The following CHD8 variants were observed in gnomAD, a reference collection of about 807,000 sequenced individuals.
The protein encoded by CHD8 is ATP-dependent chromatin remodeler CHD8.
CHD8 carries 31 observed loss-of-function variants against 279.2 expected under a neutral mutation model. That is an observed-to-expected ratio of 0.11 (90% CI 0.08 to 0.15). The LOEUF (loss-of-function observed/expected upper bound fraction) is 0.15, where lower values mean the gene tolerates loss of function less well. CHD8 is among the 10% of genes least tolerant of loss of function. The pLI is 1.00. For synonymous variants in CHD8, 1,081 were observed against 1,139.6 expected (o/e 0.95, Z 1.04); for missense variants, 2,146 against 3,230.5 (o/e 0.66, Z 8.14).
chr14:21,406,690 G>T (rs915790531), intron 14 of CHD8, among the ~76,000 whole-genome samples, 166 bp downstream of exon 14: 1 of 152,150 alleles, frequency 6.6e-6, no homozygotes, highest in Admixed American at 6.5e-5. Flanking sequence ...ATTCTAAAAT[G>T]TATGACTTTT....
At chr14:21,411,868 A>T (rs1888507007) in intron 10 of CHD8, among the ~76,000 whole-genome samples, 1 of 152,184 alleles carries the variant, frequency 6.6e-6, no homozygotes, top group African/African-American at 2.4e-5. Flanking sequence ...TTCGAGACTA[A>T]GCCTGGCTAA....
chr14:21,391,999 G>GC, intron 34 of CHD8, 53 bp from the exon 35 acceptor site: 1 of 1,329,570 alleles, frequency 7.5e-7, no homozygotes, highest in Non-Finnish European at 1.1e-6. Context: ...GTTTTTCAAA[G>GC]TAAAGATTAA....
rs1168389969 is a variant in CHD8, at chr14:21,394,101, T to C, written c.5694A>G (p.Glu1898=). ...CCAAAAGGGGGTGGCATAAAACTTG[T>C]TCCCGTAAGCGCCGAAGCAATTCTA... ...YRIELLRRLR[E]QVLCHPLLED... is the part of the protein sequence containing the mutation. The change falls in exon 32 of 38, where the codon GAA becomes GAG. Residue 1898 remains glutamate, a synonymous_variant. Transcript: ENST00000646647. The C allele has an allele frequency of 2.5e-6, 4 of 1,613,876 alleles. No individual in the cohort carries two copies. The highest frequency in any genetic ancestry group is 3.4e-6 in the Non-Finnish European group (4 of 1,179,822).
At chr14:21,434,109 G>C (rs948714528) in intron 1 of CHD8, among the ~76,000 whole-genome samples, 1 of 148,040 alleles carries the variant, frequency 6.8e-6, no homozygotes, top group Non-Finnish European at 1.5e-5. Context: ...GCAATGGCGC[G>C]ATCTCGGCTC....
intron 7 of CHD8, chr14:21,415,310 G>C: frequency 2.7e-6 from 1 of 366,718 alleles, no homozygotes. Context: ...ATTAAATAAA[G>C]CCTGTGAACA....
At chr14:21,404,750 G>C (rs1483108122) in intron 16 of CHD8, 1 of 158,734 alleles carries the variant, frequency 6.3e-6, no homozygotes, top group Non-Finnish European at 1.4e-5. Context: ...ATTCTAAACA[G>C]CAAATCCTAT....
Position 21,387,523 on chromosome 14 carries a change from AC to A in CHD8, c.7183-1348del, listed in dbSNP as rs1887308083. On this transcript the variant is annotated intron_variant, in intron 37 of 37. Coordinates refer to ENST00000646647, the MANE Select transcript of CHD8 (RefSeq NM_001170629.2). ...GTGCCGCATGCCTGTAATCCCAGCT[AC>A]TGGGGAGGCTGAGGCAGAAAAATCG... 2.0e-5 allele frequency among the ~76,000 whole-genome samples: 3 copies of A among 151,880 alleles called. No individual in the cohort carries two copies. In the South Asian group the frequency reaches 6.2e-4, roughly 32 times the overall value.
At position 21,430,988 on chromosome 14, in the gene CHD8, G is replaced by A; in HGVS notation, c.656C>T (p.Ser219Phe). 6.3e-7 allele frequency: 1 copy of A among 1,599,570 alleles called. No homozygotes were observed. Among genetic ancestry groups the A allele is most frequent in the Non-Finnish European group, 8.5e-7 (1 of 1,179,800 alleles). Residue 219 changes from serine (S) to phenylalanine (F), a missense_variant, in exon 2 of 38, where the codon TCT becomes TTT. Around this residue, in one of 26 missense-constraint regions of CHD8, gnomAD observed 302 missense variants for 325.5 expected, o/e 0.93. Coordinates refer to ENST00000646647, the MANE Select transcript of CHD8 (RefSeq NM_001170629.2). Reference protein sequence around the residue: ...TPLRPGVSIVSGNTVLAAKVP... With the variant: ...TPLRPGVSIVFGNTVLAAKVP... The stretch of plus-strand genomic sequence containing the variant: ...CTTGGCGGCCAACACTGTATTACCA[G>A]AGACAATGGAAACACCTGGTCGAAG...
rs772138473 is a variant in CHD8, at chr14:21,403,687, T to A, written c.3308-24A>T. Reference sequence around the variant, plus strand: ...ACCTGCCAAAAGAAAAATCAAATTATGTTGAGATCCAGTGAACCATATTAA... The same window carrying A: ...ACCTGCCAAAAGAAAAATCAAATTAAGTTGAGATCCAGTGAACCATATTAA... On this transcript the variant is annotated intron_variant, in intron 16 of 37. Transcript: ENST00000646647. This position sits in a 1 kb window ranked among gnomAD's most constrained non-coding sequence, Gnocchi z 4.3. The A allele has an allele frequency of 6.5e-7, 1 of 1,539,008 alleles. No individual in the cohort carries two copies.
chr14:21,390,164 A>C (rs1594324605), intron 37 of CHD8, among the ~76,000 whole-genome samples: 1 of 150,316 alleles, frequency 6.7e-6, no homozygotes, highest in African/African-American at 2.5e-5. Flanking sequence ...GAACCAGGGG[A>C]GGGAGAAGTT....
Position 21,394,019 on chromosome 14 carries a change from G to T in CHD8, c.5776C>A (p.Pro1926Thr). ...AGAAGCTCCCCATCATGCCGAACAG[G>T]CTCCCACCATTTGGGCAATTCAGGA... ...PGPELPKWWE[P>T]VRHDGELLRG... The change falls in exon 32 of 38, where the codon CCT becomes ACT. Residue 1926 changes from proline (P) to threonine (T), a missense_variant. Pro to Thr is a conservative substitution (Grantham distance 38). This residue lies in a region of CHD8 where 513 missense variants were observed against 637.6 expected (regional missense o/e 0.80). Coordinates refer to ENST00000646647, the MANE Select transcript of CHD8 (RefSeq NM_001170629.2). 2 of 1,613,850 alleles carry T rather than the reference G, an allele frequency of 1.2e-6. No homozygotes were observed. The highest frequency in any genetic ancestry group is 8.5e-7 in the Non-Finnish European group (1 of 1,179,844).
chr14:21,424,994 T>C (rs1445330518), intron 5 of CHD8, among the ~76,000 whole-genome samples: 2 of 152,152 alleles, frequency 1.3e-5, no homozygotes, highest in African/African-American at 4.8e-5. Context: ...GTCTCCTTAA[T>C]CAGATTTTTT....
chr14:21,435,107 G>T (rs1889726403), intron 1 of CHD8, among the ~76,000 whole-genome samples: 1 of 152,200 alleles, frequency 6.6e-6, no homozygotes, highest in African/African-American at 2.4e-5. Context: ...AGAAACACAT[G>T]TATGTGCTCA....
In CHD8 at chr14:21,385,816, C is replaced by T. The variant is rs1443191684; in HGVS notation, c.7543G>A (p.Gly2515Ser). The change falls in exon 38 of 38, where the codon GGC becomes AGC. Residue 2515 changes from glycine to serine, a missense_variant. Gly to Ser is a moderately conservative substitution (Grantham distance 56). This residue lies in a region of CHD8 where 336 missense variants were observed against 392.9 expected (regional missense o/e 0.86). Transcript: ENST00000646647. ...HHHHPGLRAP[G>S]YPSSPVTTAS... ...GTAGTCACTGGTGAAGAGGGGTAGC[C>T]AGGGGCTCTCAAGCCTGGATGGTGA... The T allele has an allele frequency of 6.6e-7, 1 of 1,506,152 alleles. No individual in the cohort carries two copies. Among genetic ancestry groups the T allele is most frequent in the Non-Finnish European group, 8.9e-7 (1 of 1,126,304 alleles). 93.3% of individuals were successfully genotyped at this position (1,506,152 alleles called of 1,614,324 possible). A position where few individuals can be genotyped will look rare whatever the true frequency, so the allele number is the denominator to read the frequency against.
At chr14:21,407,070 A>T in intron 13 of CHD8, 38 bp from the exon 14 acceptor site, 1 of 1,491,216 alleles carries the variant, frequency 6.7e-7, no homozygotes, top group Non-Finnish European at 9.0e-7. Context: ...AAAACCAAAA[A>T]TGTACCTAAA....
At position 21,431,102 on chromosome 14, in the gene CHD8, T is replaced by C. The variant is rs958979342; in HGVS notation, c.542A>G (p.Gln181Arg). The C allele has an allele frequency of 1.3e-6, 2 of 1,599,164 alleles. No individual in the cohort carries two copies. The highest frequency in any genetic ancestry group is 1.7e-6 in the Non-Finnish European group (2 of 1,179,652). ...TGAHVAQIQA[Q>R]GITSTAQPLV... is the part of the protein sequence containing the mutation. The stretch of plus-strand genomic sequence containing the variant: ...GGGCTGAGCTGTGCTGGTGATACCT[T>C]GGGCCTGAATTTGTGCCACATGGGC... The change falls in exon 2 of 38, where the codon CAA (glutamine) becomes CGA (arginine). Residue 181 changes from glutamine to arginine, a missense_variant. Transcript: ENST00000646647.
chr14:21,448,343 T>TA (rs1177096717), intron 1 of CHD8, among the ~76,000 whole-genome samples: 2 of 152,340 alleles, frequency 1.3e-5, no homozygotes, highest in Middle Eastern at 3.4e-3. Context: ...CTGTACAGCT[T>TA]AAAGTATTTC....
At chr14:21,411,109 G>C (rs1045584253) in intron 10 of CHD8, among the ~76,000 whole-genome samples, 1 of 152,060 alleles carries the variant, frequency 6.6e-6, no homozygotes, top group African/African-American at 2.4e-5. Context: ...CATTCCAAAG[G>C]GGCCTAACTA....
Position 21,414,429 on chromosome 14 carries a change from T to C in CHD8, c.2025-11A>G, listed in dbSNP as rs763050323. On this transcript the variant is annotated splice_polypyrimidine_tract_variant and intron_variant, in intron 8 of 37. Transcript: ENST00000646647. ...CAATGCAGATAGGAGCTAAGGGGGA[T>C]GGAAAAATCCAGTCATGGTGCAAGT... The C allele has an allele frequency of 7.9e-6, 11 of 1,395,428 alleles. No individual in the cohort carries two copies. The highest frequency in any genetic ancestry group is 1.1e-5 in the Non-Finnish European group (11 of 1,003,770). The allele number at this position is 1,395,428 out of a possible 1,614,324, so 86.4% of individuals were successfully genotyped here.
Sources: gnomAD v4.1 joint callset for allele counts (sites outside exome capture counted in the v4.1 genomes callset) on GRCh38, gnomAD v4.1.1 for gene constraint, gnomAD v4.1.1 regional missense constraint, Gnocchi (gnomAD v3.1) non-coding constraint, MANE v1.5 for transcripts, NCBI Gene and HGNC (gene_info 2026-07-23, HGNC 2026-07-21) for gene names.